TFEC: variants seen among roughly 807,000 people sequenced by gnomAD.
TFEC encodes transcription factor EC.
Under a neutral mutation model 41.6 loss-of-function variants are expected in TFEC, and 31 were observed. That is an observed-to-expected ratio of 0.74 (90% CI 0.56 to 1.01). TFEC has a LOEUF of 1.01. Ranked by LOEUF, TFEC falls within the 50% of genes least tolerant of loss-of-function variation. TFEC has a pLI of 0.00. For missense variants in TFEC, 402 were observed against 404.1 expected (o/e 0.99, Z 0.04); for synonymous variants, 143 against 140.6 (o/e 1.02, Z -0.12).
chr7:116,074,755 C>CAT (rs1464914406), intron 3 of TFEC, among the ~76,000 whole-genome samples: 3 of 152,096 alleles, frequency 2.0e-5, no homozygotes, highest in Non-Finnish European at 1.5e-5. Flanking sequence ...TAATCACATA[C>CAT]ATAGGGTATA....
intron 3 of TFEC, among the ~76,000 whole-genome samples, chr7:115,961,076 C>T (rs971682560): frequency 5.9e-5 from 9 of 151,736 alleles, no homozygotes; most frequent in Admixed American, 6.6e-5. Context: ...CACATCTCTT[C>T]ATTTTTGAAA....
At chr7:116,050,048 C>G (rs1796269895) in intron 3 of TFEC, among the ~76,000 whole-genome samples, 1 of 151,860 alleles carries the variant, frequency 6.6e-6, no homozygotes, top group African/African-American at 2.4e-5. Context: ...AAATTGACAC[C>G]CTAACAACAC....
chr7:116,156,523 A>T (rs73719122), intron 1 of TFEC, among the ~76,000 whole-genome samples: 23,127 of 152,126 alleles, frequency 0.15, 1,769 homozygotes, highest in East Asian at 0.25. Flanking sequence ...GCTTCTCCAT[A>T]ACTACACCCA....
intron 1 of TFEC, among the ~76,000 whole-genome samples, chr7:115,995,007 T>C (rs10270884): frequency 0.85 from 129,370 of 151,994 alleles, 55,203 homozygotes; most frequent in Non-Finnish European, 0.89. Flanking sequence ...CCATGGAATA[T>C]TATGCAGCCA....
intron 1 of TFEC, among the ~76,000 whole-genome samples, chr7:115,990,300 T>G (rs1794048704): frequency 6.6e-6 from 1 of 152,006 alleles, no homozygotes; most frequent in South Asian, 2.1e-4. Flanking sequence ...AAGCTGAAAA[T>G]TCTAAAATCA....
rs546289654 is a variant in TFEC at position 115,945,303 on chromosome 7, T to C, written c.516-3263A>G. 8.2e-4 allele frequency among the ~76,000 whole-genome samples: 124 copies of C among 151,740 alleles called. 1 individual carries two copies. Among genetic ancestry groups the C allele is most frequent in the African/African-American group, 2.7e-3 (111 of 41,496 alleles). On this transcript the variant is annotated intron_variant, in intron 6 of 7. Coordinates refer to ENST00000265440, the MANE Select transcript of TFEC (RefSeq NM_012252.4). ...TTTCCTGTGACTTTTAGATTATCCC[T>C]AATAACATTTGAAAATTTGACAAAT...
intron 3 of TFEC, among the ~76,000 whole-genome samples, chr7:116,050,214 A>G (rs1796274302): frequency 6.6e-6 from 1 of 152,194 alleles, no homozygotes; most frequent in African/African-American, 2.4e-5. Context: ...TGAAAAGCTC[A>G]ACAAAATTGA....
intron 3 of TFEC, among the ~76,000 whole-genome samples, chr7:116,036,081 A>ATT (rs1795902458): frequency 6.6e-6 from 1 of 152,098 alleles, no homozygotes. Flanking sequence ...TGTTAAAAAC[A>ATT]TATAATATAT....
intron 3 of TFEC, among the ~76,000 whole-genome samples, chr7:116,086,877 C>A (rs543386342): frequency 1.3e-5 from 2 of 151,866 alleles, no homozygotes; most frequent in African/African-American, 4.8e-5. Context: ...ACATTTTCTA[C>A]GAGATTATTC....
At chr7:115,968,967 A>G (rs1019727441) in intron 3 of TFEC, among the ~76,000 whole-genome samples, 1 of 151,876 alleles carries the variant, frequency 6.6e-6, no homozygotes, top group Admixed American at 6.6e-5. Flanking sequence ...ATTTTGCATA[A>G]TTCTTGTCAC....
At chr7:115,997,902 C>T (rs557515438) in intron 1 of TFEC, among the ~76,000 whole-genome samples, 2 of 151,880 alleles carry the variant, frequency 1.3e-5, no homozygotes, top group South Asian at 4.2e-4. Flanking sequence ...AATACATGGT[C>T]AGAGGGGACA....
At chr7:116,061,570 C>G (rs1422032746) in intron 3 of TFEC, among the ~76,000 whole-genome samples, 1 of 151,832 alleles carries the variant, frequency 6.6e-6, no homozygotes, top group East Asian at 1.9e-4. Context: ...GATATGGCAC[C>G]AAAAGCATGA....
chr7:115,958,474 C>A (rs558907280), intron 3 of TFEC, among the ~76,000 whole-genome samples: 2 of 151,858 alleles, frequency 1.3e-5, no homozygotes, highest in East Asian at 1.9e-4. Context: ...GGGGACAGAA[C>A]TAGGAAAAGG....
intron 3 of TFEC, among the ~76,000 whole-genome samples, chr7:116,075,540 G>GGCA (rs1339154192): frequency 6.6e-6 from 1 of 152,108 alleles, no homozygotes; most frequent in Non-Finnish European, 1.5e-5. Flanking sequence ...TTGGGGGTGG[G>GGCA]GCACAGTGGG....
chr7:116,034,107 G>A (rs1562945017), upstream of TFEC, among the ~76,000 whole-genome samples: 1 of 152,038 alleles, frequency 6.6e-6, no homozygotes, highest in Non-Finnish European at 1.5e-5. Flanking sequence ...GGGTTTTCAG[G>A]ACACTACAGA....
rs944483151 is a variant in TFEC at position 115,968,375 on chromosome 7, C to T, written c.267+5795G>A. 1.5e-4 allele frequency: 203 copies of T among 1,340,548 alleles called. 1 individual carries two copies. The highest frequency in any genetic ancestry group is 1.7e-4 in the Non-Finnish European group (174 of 1,031,758). The allele number at this position is 1,340,548 out of a possible 1,614,324, so 83.0% of individuals were successfully genotyped here. On this transcript the variant is annotated intron_variant, in intron 3 of 7. Transcript: ENST00000265440. Reference sequence around the variant, plus strand: ...TTGTCTAGATTGTGATTGACAAAAGCTTGCTCACTGATGTTATGCAGTCCT... The same window carrying T: ...TTGTCTAGATTGTGATTGACAAAAGTTTGCTCACTGATGTTATGCAGTCCT...
At position 116,058,013 on chromosome 7, in the gene TFEC, ACAGATTTAAACCTACT is replaced by A. The variant is rs544389521; in HGVS notation, c.198+52679_198+52694del. Among the ~76,000 whole-genome samples, 598 of 151,884 alleles carry A rather than the reference ACAGATTTAAACCTACT, an allele frequency of 3.9e-3. 2 individuals carry two copies. The highest frequency in any genetic ancestry group is 0.014 in the African/African-American group (570 of 41,532). On this transcript the variant is annotated intron_variant, in intron 3 of 8. Transcript: ENST00000484212. Reference sequence around the variant, plus strand: ...CAAACAGAAAACAAGTATCAAGATGACAGATTTAAACCTACTCAAATTAATAATCACATTAAACGTA... The same window carrying A: ...CAAACAGAAAACAAGTATCAAGATGACAAATTAATAATCACATTAAACGTA...
At chr7:116,111,144 G>A (rs1390691019) in intron 2 of TFEC, among the ~76,000 whole-genome samples, 1 of 151,476 alleles carries the variant, frequency 6.6e-6, no homozygotes, top group Non-Finnish European at 1.5e-5. Flanking sequence ...GAAACAGTTG[G>A]CATTCAGCTA....
chr7:115,979,838 CT>C (rs1458297916), intron 2 of TFEC, among the ~76,000 whole-genome samples: 3 of 152,158 alleles, frequency 2.0e-5, no homozygotes, highest in African/African-American at 4.8e-5. Flanking sequence ...AACATTACCC[CT>C]GAGTTCATTT....
Sources: allele counts gnomAD v4.1 joint callset (sites outside exome capture counted in the v4.1 genomes callset), GRCh38; gene constraint gnomAD v4.1.1; transcripts MANE v1.5; gene names NCBI Gene and HGNC (gene_info 2026-07-23, HGNC 2026-07-21).